The following PSD3 variants were observed in gnomAD, a reference collection of about 807,000 sequenced individuals.
PSD3 encodes the protein PH and SEC7 domain-containing protein 3.
PSD3 carries 49 observed loss-of-function variants against 105.5 expected under a neutral mutation model. The ratio of observed to expected loss-of-function variants is 0.46; its 90% CI spans 0.37 to 0.59. PSD3 has a LOEUF of 0.59. Among genes scored for constraint, PSD3 ranks in the 20% least tolerant of loss-of-function variants. PSD3 has a pLI of 0.00. For synonymous variants in PSD3, 557 were observed against 457.8 expected (o/e 1.22, Z -2.77); for missense variants, 1,561 against 1,263.8 (o/e 1.24, Z -3.57).
At chr8:18,618,759 C>T (rs79580972) in intron 11 of PSD3, among the ~76,000 whole-genome samples, 13,289 of 151,936 alleles carry the variant, frequency 0.087, 723 homozygotes, top group Middle Eastern at 0.26. Context: ...TGGCTCACTG[C>T]AGACTTAACA....
intron 1 of PSD3, among the ~76,000 whole-genome samples, chr8:19,052,056 C>A (rs1828547777): frequency 6.6e-6 from 1 of 152,206 alleles, no homozygotes; most frequent in African/African-American, 2.4e-5. Flanking sequence ...CAATTTCAGG[C>A]TTTCCATGGC....
chr8:18,570,666 A>G (rs1802071932), intron 14 of PSD3, among the ~76,000 whole-genome samples: 1 of 149,788 alleles, frequency 6.7e-6, no homozygotes, highest in Admixed American at 6.7e-5. Context: ...GGCGAAGGAC[A>G]TGAACAGACA....
chr8:18,783,264 G>C (rs996899563), intron 8 of PSD3, among the ~76,000 whole-genome samples: 2 of 152,090 alleles, frequency 1.3e-5, no homozygotes, highest in Admixed American at 6.6e-5. Context: ...TCTAGCTGTT[G>C]ACAATATTCA....
chr8:18,748,616 C>T (rs575473459), intron 9 of PSD3, among the ~76,000 whole-genome samples: 40 of 147,280 alleles, frequency 2.7e-4, no homozygotes, highest in African/African-American at 8.8e-4. Context: ...GCTGAGATCG[C>T]GCCACTGCAC....
At chr8:18,568,376 C>T (rs1201134917) in intron 14 of PSD3, among the ~76,000 whole-genome samples, 3 of 152,134 alleles carry the variant, frequency 2.0e-5, no homozygotes, top group African/African-American at 7.2e-5. Flanking sequence ...TAGTCTGCTT[C>T]TGAGCTCTGG....
intron 8 of PSD3, chr8:18,774,993 C>T: frequency 2.2e-6 from 1 of 456,088 alleles, no homozygotes; most frequent in Non-Finnish European, 4.4e-6. Context: ...CCTTTCAAAA[C>T]CCTTTCTAAA....
intron 11 of PSD3, among the ~76,000 whole-genome samples, chr8:18,630,495 T>A (rs1444064853): frequency 6.6e-6 from 1 of 151,916 alleles, no homozygotes; most frequent in Non-Finnish European, 1.5e-5. Context: ...GACTTTGGAA[T>A]AAACTAACCA....
At chr8:18,790,713 C>T (rs1809637515) in intron 8 of PSD3, among the ~76,000 whole-genome samples, 1 of 151,940 alleles carries the variant, frequency 6.6e-6, no homozygotes, top group Non-Finnish European at 1.5e-5. Flanking sequence ...CGCCAGGCCC[C>T]ACTAGAAACC....
At chr8:18,567,847 C>G (rs970976305) in intron 14 of PSD3, among the ~76,000 whole-genome samples, 1 of 152,194 alleles carries the variant, frequency 6.6e-6, no homozygotes, top group Non-Finnish European at 1.5e-5. Context: ...CCCTCCGAAT[C>G]TCATGTTGTA....
At position 18,805,014 on chromosome 8, in the gene PSD3, C is replaced by T. The variant is rs969377580; in HGVS notation, c.1635-116G>A. On this transcript the variant is annotated intron_variant, in intron 4 of 15. Coordinates refer to ENST00000327040, the MANE Select transcript of PSD3 (RefSeq NM_015310.4). Reference sequence around the variant, plus strand: ...GTTCAGCTACACTTAGATGAGATCACTGTATGTTTAAATATTCATAAAAAT... The same window carrying T: ...GTTCAGCTACACTTAGATGAGATCATTGTATGTTTAAATATTCATAAAAAT... The T allele has an allele frequency of 5.0e-5, 44 of 873,796 alleles. No individual in the cohort carries two copies. The African/African-American group carries it at 7.2e-4, about 14-fold the overall frequency. The allele number at this position is 873,796 out of a possible 1,614,324, so 54.1% of individuals were successfully genotyped here. A position where few individuals can be genotyped will look rare whatever the true frequency, so the allele number is the denominator to read the frequency against.
intron 11 of PSD3, among the ~76,000 whole-genome samples, chr8:18,631,330 G>T (rs749288836): frequency 6.6e-6 from 1 of 151,992 alleles, no homozygotes; most frequent in Non-Finnish European, 1.5e-5. Flanking sequence ...GTCATTGCAA[G>T]CAAGTGGGGG....
chr8:18,965,009 T>A (rs1824151053), intron 1 of PSD3, among the ~76,000 whole-genome samples: 1 of 152,192 alleles, frequency 6.6e-6, no homozygotes, highest in South Asian at 2.1e-4. Flanking sequence ...TCTCGGCTCA[T>A]AAAAAGGTTC....
At chr8:18,557,134 A>G (rs189108516) in intron 14 of PSD3, among the ~76,000 whole-genome samples, 2 of 152,220 alleles carry the variant, frequency 1.3e-5, no homozygotes, top group Non-Finnish European at 2.9e-5. Flanking sequence ...TTCTGCCAGC[A>G]TTTTAAAAAC....
intron 2 of PSD3, among the ~76,000 whole-genome samples, chr8:18,915,832 C>T (rs182258620): frequency 1.3e-5 from 2 of 152,218 alleles, no homozygotes. Context: ...TGGTGGATCA[C>T]GCCTCTAATC....
Position 18,656,054 on chromosome 8 carries a change from T to A in PSD3, c.2173-369A>T, listed in dbSNP as rs116145293. Reference sequence around the variant, plus strand: ...CAGTTGGACAGTGGAGTACTCATACTTTTTTCTTTTCTTCTTTTTTTCAGA... The same window carrying A: ...CAGTTGGACAGTGGAGTACTCATACATTTTTCTTTTCTTCTTTTTTTCAGA... On this transcript the variant is annotated intron_variant, in intron 9 of 15. Transcript: ENST00000327040. Among the ~76,000 whole-genome samples, 707 of 152,298 alleles carry A rather than the reference T, an allele frequency of 4.6e-3. 4 individuals carry two copies. Among genetic ancestry groups the A allele is most frequent in the African/African-American group, 0.016 (645 of 41,570 alleles).
chr8:19,054,569 A>G (rs990227245), intron 1 of PSD3, among the ~76,000 whole-genome samples: 1 of 152,176 alleles, frequency 6.6e-6, no homozygotes, highest in Non-Finnish European at 1.5e-5. Context: ...TTTCTTCCCC[A>G]CATCTGCCGT....
At chr8:18,810,445 T>C (rs1037983223) in intron 4 of PSD3, among the ~76,000 whole-genome samples, 3 of 152,214 alleles carry the variant, frequency 2.0e-5, no homozygotes, top group African/African-American at 7.2e-5. Context: ...ATATACTCAA[T>C]AGTGTACTGT....
upstream of PSD3, among the ~76,000 whole-genome samples, chr8:19,018,490 C>T (rs947258337): frequency 3.9e-5 from 6 of 152,102 alleles, no homozygotes; most frequent in African/African-American, 1.4e-4. Context: ...ATAAATTTTA[C>T]TTCAATAAAA....
At chr8:18,589,529 T>C (rs1383097788) in intron 12 of PSD3, among the ~76,000 whole-genome samples, 1 of 152,232 alleles carries the variant, frequency 6.6e-6, no homozygotes, top group African/African-American at 2.4e-5. Context: ...GTGTTAGATA[T>C]GGTCCTTCCT....
Sources: gnomAD v4.1 joint callset for allele counts (sites outside exome capture counted in the v4.1 genomes callset) on GRCh38, gnomAD v4.1.1 for gene constraint, MANE v1.5 for transcripts, NCBI Gene and HGNC (gene_info 2026-07-23, HGNC 2026-07-21) for gene names.